Variants in ZBBX observed in about 807,000 individuals in gnomAD.
ZBBX encodes the protein zinc finger B-box domain containing, also known as zinc finger B-box domain-containing protein 1.
ZBBX carries 101 observed loss-of-function variants against 108.5 expected under a neutral mutation model. The observed-to-expected ratio is 0.93, with a 90% CI of 0.79 to 1.10. ZBBX has a LOEUF of 1.10. ZBBX is among the 50% of genes least tolerant of loss of function. The probability of loss-of-function intolerance (pLI) is 0.00; values close to 1 mark genes in which losing one functional copy is unlikely to be tolerated. For missense variants in ZBBX, 1,009 were observed against 941.4 expected (o/e 1.07, Z -0.94); for synonymous variants, 356 against 323.4 (o/e 1.10, Z -1.08).
the ZBBX span, among the ~76,000 whole-genome samples, chr3:167,217,895 T>A: frequency 6.6e-6 from 1 of 150,854 alleles, no homozygotes; most frequent in African/African-American, 2.4e-5. Flanking sequence ...CTCACTATTT[T>A]TTTTTTTTTT....
chr3:167,357,165 A>G (rs1743719456), intron 8 of ZBBX, among the ~76,000 whole-genome samples: 1 of 152,162 alleles, frequency 6.6e-6, no homozygotes, highest in Admixed American at 6.5e-5. Context: ...GTAAGTATAG[A>G]TGGACAAGAT....
chr3:167,299,204 T>C (rs1398920987), intron 17 of ZBBX, among the ~76,000 whole-genome samples: 2 of 152,090 alleles, frequency 1.3e-5, no homozygotes, highest in Non-Finnish European at 2.9e-5. Context: ...CTATCAGTTT[T>C]TAATAATTCC....
At chr3:167,360,770 T>G in intron 6 of ZBBX, 47 bp from the exon 7 acceptor site, 1 of 1,246,434 alleles carries the variant, frequency 8.0e-7, no homozygotes, top group Non-Finnish European at 1.1e-6. Context: ...TATTATCTTA[T>G]TCAACGAAAG....
intron 12 of ZBBX, 47 bp downstream of exon 12, chr3:167,322,070 T>A: frequency 1.8e-6 from 2 of 1,089,222 alleles, no homozygotes; most frequent in Non-Finnish European, 2.5e-6. Context: ...GAAAGAAACA[T>A]AAATAACTTT....
intron 17 of ZBBX, among the ~76,000 whole-genome samples, chr3:167,303,670 A>G (rs1733108377): frequency 1.3e-5 from 2 of 152,160 alleles, no homozygotes; most frequent in African/African-American, 4.8e-5. Flanking sequence ...CTAGATTGTT[A>G]GTCAGTTCTA....
At chr3:167,323,189 G>A (rs979719772) in intron 11 of ZBBX, among the ~76,000 whole-genome samples, 9 of 138,758 alleles carry the variant, frequency 6.5e-5, no homozygotes, top group Non-Finnish European at 1.1e-4. Context: ...TCCACTATGA[G>A]TCCCCCTTTT....
chr3:167,254,905 A>G (rs1407646510), intron 20 of ZBBX, among the ~76,000 whole-genome samples: 3 of 151,092 alleles, frequency 2.0e-5, no homozygotes. Context: ...AGAGAGAATG[A>G]GAGAGAGAGA....
chr3:167,255,630 AT>A (rs1338939958), intron 20 of ZBBX, among the ~76,000 whole-genome samples: 1 of 151,930 alleles, frequency 6.6e-6, no homozygotes, highest in African/African-American at 2.4e-5. Context: ...ATTACTCTTT[AT>A]TTTTACCTTT....
the ZBBX span, among the ~76,000 whole-genome samples, chr3:167,181,815 C>T: frequency 6.6e-6 from 1 of 152,136 alleles, no homozygotes; most frequent in Admixed American, 6.5e-5. Flanking sequence ...TAAACTAGAC[C>T]TACCTAGAAG....
chr3:167,320,366 A>G (rs1278914579), intron 12 of ZBBX, among the ~76,000 whole-genome samples: 2 of 151,984 alleles, frequency 1.3e-5, no homozygotes, highest in Non-Finnish European at 2.9e-5. Flanking sequence ...AATATTAGAT[A>G]TCAATCCCCA....
chr3:167,308,413 A>G (rs1734027390), intron 16 of ZBBX, among the ~76,000 whole-genome samples: 1 of 152,176 alleles, frequency 6.6e-6, no homozygotes, highest in Non-Finnish European at 1.5e-5. Flanking sequence ...ATTTTCAAAG[A>G]CATAAAGACA....
the ZBBX span, among the ~76,000 whole-genome samples, chr3:167,185,705 A>AT: frequency 6.6e-6 from 1 of 151,942 alleles, no homozygotes. Context: ...AGAATGTTAC[A>AT]TTTTTTCATT....
chr3:167,366,428 A>G (rs553261415), intron 5 of ZBBX, among the ~76,000 whole-genome samples: 2 of 151,982 alleles, frequency 1.3e-5, no homozygotes, highest in African/African-American at 4.8e-5. Context: ...ACATTGAAAC[A>G]TAACAGAGAT....
chr3:167,350,801 T>G (rs1021899046), intron 8 of ZBBX, among the ~76,000 whole-genome samples: 2 of 152,100 alleles, frequency 1.3e-5, no homozygotes, highest in Non-Finnish European at 2.9e-5. Context: ...ATATTTTAGA[T>G]GCATGGATGT....
Position 167,305,903 on chromosome 3 carries a change from A to G in ZBBX, c.1465T>C (p.Tyr489His). Residue 489 changes from tyrosine to histidine, a missense_variant, in exon 17 of 22, where the codon TAT becomes CAT. Coordinates refer to ENST00000675490, the MANE Select transcript of ZBBX (RefSeq NM_001199201.2). ...DFDNIVDPDV[Y>H]SSDIEKIEES... ...TCAATTTTTTCAATGTCAGAAGAAT[A>G]CACATCAGGATCCACGATGTTGTCA... 6.2e-7 allele frequency: 1 copy of G among 1,603,812 alleles called. No homozygotes were observed. Among genetic ancestry groups the G allele is most frequent in the Admixed American group, 1.7e-5 (1 of 58,474 alleles).
chr3:167,323,250 GAAA>G (rs1736791222), intron 11 of ZBBX, among the ~76,000 whole-genome samples: 3 of 92,908 alleles, frequency 3.2e-5, no homozygotes, highest in African/African-American at 1.1e-4. Context: ...GGGGGGGGGG[GAAA>G]GAACTCTTTT....
intron 1 of ZBBX, among the ~76,000 whole-genome samples, chr3:167,398,096 T>C (rs1207834164): frequency 1.3e-5 from 2 of 151,984 alleles, no homozygotes; most frequent in South Asian, 4.2e-4. Flanking sequence ...ATGAACGAGC[T>C]TCAATTCTTG....
At chr3:167,286,288 G>A (rs975396836) in intron 19 of ZBBX, among the ~76,000 whole-genome samples, 7 of 152,064 alleles carry the variant, frequency 4.6e-5, no homozygotes, top group Admixed American at 2.0e-4. Flanking sequence ...TAGGAGAGAC[G>A]GGTAGCCAAC....
downstream of ZBBX, among the ~76,000 whole-genome samples, chr3:167,237,327 C>T (rs1720272073): frequency 6.6e-6 from 1 of 151,824 alleles, no homozygotes; most frequent in Admixed American, 6.6e-5. Context: ...TGTCCAGAGG[C>T]TGTAAAATTA....
Sources: gnomAD v4.1 joint callset for allele counts (sites outside exome capture counted in the v4.1 genomes callset) on GRCh38, gnomAD v4.1.1 for gene constraint, MANE v1.5 for transcripts, NCBI Gene and HGNC (gene_info 2026-07-23, HGNC 2026-07-21) for gene names.